PALM2AKAP2: variants seen among roughly 807,000 people sequenced by gnomAD.
The protein encoded by PALM2AKAP2 is PALM2 and AKAP2 fusion, also known as PALM2-AKAP2 fusion protein.
A neutral mutation model predicts 71.5 loss-of-function variants in PALM2AKAP2; 37 were observed. The ratio of observed to expected loss-of-function variants is 0.52; its 90% CI spans 0.40 to 0.68. The LOEUF (loss-of-function observed/expected upper bound fraction) is 0.68. PALM2AKAP2 is among the 30% of genes least tolerant of loss of function. PALM2AKAP2 has a pLI of 0.00. For synonymous variants in PALM2AKAP2, 468 were observed against 478.8 expected (o/e 0.98, Z 0.29); for missense variants, 1,224 against 1,191.8 (o/e 1.03, Z -0.40).
chr9:109,721,639 T>C (rs912047411), intron 1 of PALM2AKAP2, among the ~76,000 whole-genome samples: 2 of 152,184 alleles, frequency 1.3e-5, no homozygotes, highest in Non-Finnish European at 2.9e-5. Context: ...TCAATATCTA[T>C]CCAAGGATGT....
chr9:109,955,919 C>T (rs1284289915), intron 6 of PALM2AKAP2, among the ~76,000 whole-genome samples: 3 of 151,376 alleles, frequency 2.0e-5, no homozygotes, highest in Non-Finnish European at 4.4e-5. Context: ...CTTGGCAACA[C>T]AGCAAGACTC....
chr9:109,906,745 A>G (rs573244082), intron 3 of PALM2AKAP2, among the ~76,000 whole-genome samples: 2 of 152,308 alleles, frequency 1.3e-5, no homozygotes, highest in African/African-American at 4.8e-5. Context: ...CGTTCTTTTC[A>G]CATCTGTCCA....
intron 3 of PALM2AKAP2, among the ~76,000 whole-genome samples, chr9:109,917,264 A>G (rs1230904486): frequency 6.6e-6 from 1 of 152,196 alleles, no homozygotes; most frequent in Non-Finnish European, 1.5e-5. Context: ...GCAGAAGGGA[A>G]CACAACGCTG....
intron 1 of PALM2AKAP2, among the ~76,000 whole-genome samples, chr9:109,658,927 C>A (rs559282966): frequency 3.3e-5 from 5 of 152,166 alleles, no homozygotes; most frequent in African/African-American, 1.2e-4. Flanking sequence ...CTTGCAGGAC[C>A]TTTATGTGAA....
intron 1 of PALM2AKAP2, among the ~76,000 whole-genome samples, chr9:109,657,642 G>T (rs970275809): frequency 6.6e-6 from 1 of 152,172 alleles, no homozygotes; most frequent in Non-Finnish European, 1.5e-5. Context: ...CAGGTTGATT[G>T]CCTTGAGGGA....
At chr9:109,818,757 A>T (rs1359409702) in intron 1 of PALM2AKAP2, among the ~76,000 whole-genome samples, 1 of 152,130 alleles carries the variant, frequency 6.6e-6, no homozygotes, top group Non-Finnish European at 1.5e-5. Context: ...ACTTTATTTC[A>T]CTGTACTTTC....
chr9:109,739,220 T>G (rs1828681898), intron 1 of PALM2AKAP2, among the ~76,000 whole-genome samples: 1 of 152,186 alleles, frequency 6.6e-6, no homozygotes, highest in Non-Finnish European at 1.5e-5. Flanking sequence ...TTCAAGTAGT[T>G]CATTGACTTA....
At chr9:109,892,181 C>A (rs1327929409) in intron 3 of PALM2AKAP2, among the ~76,000 whole-genome samples, 1 of 152,156 alleles carries the variant, frequency 6.6e-6, no homozygotes, top group East Asian at 1.9e-4. Flanking sequence ...CTGTGCTTTC[C>A]CCAGAGCATC....
intron 6 of PALM2AKAP2, among the ~76,000 whole-genome samples, chr9:109,958,542 G>A (rs1366727578): frequency 4.6e-5 from 7 of 151,768 alleles, no homozygotes; most frequent in Admixed American, 2.6e-4. Context: ...GCCAACCTCA[G>A]GAGTATTTTT....
chr9:109,749,146 A>G (rs3902539), intron 1 of PALM2AKAP2, among the ~76,000 whole-genome samples: 129,846 of 152,176 alleles, frequency 0.85, 55,820 homozygotes, highest in African/African-American at 0.96. Flanking sequence ...GAGGCGATAG[A>G]AGCGGCTCTT....
intron 2 of PALM2AKAP2, among the ~76,000 whole-genome samples, chr9:110,155,952 G>C (rs1205909503): frequency 2.6e-5 from 4 of 152,116 alleles, no homozygotes; most frequent in African/African-American, 9.7e-5. Flanking sequence ...TTAAGAAGTG[G>C]GTCTGTGAGT....
intron 1 of PALM2AKAP2, among the ~76,000 whole-genome samples, chr9:109,701,500 T>TTA (rs757191693): frequency 0.045 from 6,787 of 152,290 alleles, 194 homozygotes; most frequent in Non-Finnish European, 0.053. Context: ...GGGAAAGGAT[T>TTA]ACCTATTTAA....
chr9:110,009,713 CA>C (rs535271745), intron 6 of PALM2AKAP2, among the ~76,000 whole-genome samples: 3,410 of 71,882 alleles, frequency 0.047, 53 homozygotes, highest in South Asian at 0.16. Flanking sequence ...GACTCTGTCT[CA>C]AAAAAAAAAA....
intron 1 of PALM2AKAP2, among the ~76,000 whole-genome samples, chr9:110,095,665 G>A (rs7863709): frequency 6.6e-6 from 1 of 151,940 alleles, no homozygotes; most frequent in Non-Finnish European, 1.5e-5. Context: ...GAAGAAGACC[G>A]TTCTAAGCAG....
chr9:109,694,071 T>G (rs1363958397), intron 1 of PALM2AKAP2, among the ~76,000 whole-genome samples: 1 of 152,010 alleles, frequency 6.6e-6, no homozygotes, highest in East Asian at 1.9e-4. Context: ...GTATACTCTG[T>G]GAGGGCAGGA....
chr9:110,131,027 G>A (rs894885118), intron 1 of PALM2AKAP2, among the ~76,000 whole-genome samples: 7 of 152,160 alleles, frequency 4.6e-5, no homozygotes, highest in Non-Finnish European at 1.0e-4. Flanking sequence ...GCCACCTGTG[G>A]GGCGTGGGAT....
At chr9:110,119,592 G>A (rs1006956543) in intron 1 of PALM2AKAP2, among the ~76,000 whole-genome samples, 1 of 152,100 alleles carries the variant, frequency 6.6e-6, no homozygotes, top group African/African-American at 2.4e-5. Context: ...TTGGATGAGG[G>A]TACCTCTCTC....
intron 6 of PALM2AKAP2, among the ~76,000 whole-genome samples, chr9:109,948,897 G>A (rs141876340): frequency 2.3e-4 from 35 of 152,142 alleles, no homozygotes; most frequent in African/African-American, 8.2e-4. Context: ...AAATAGTACT[G>A]ATGTGCCATT....
intron 1 of PALM2AKAP2, among the ~76,000 whole-genome samples, chr9:110,064,515 G>A (rs183323726): frequency 1.1e-4 from 16 of 152,318 alleles, no homozygotes; most frequent in East Asian, 9.7e-4. Context: ...GCTGAGATGC[G>A]AAGATTGCTT....
Sources: gnomAD v4.1 joint callset for allele counts (sites outside exome capture counted in the v4.1 genomes callset) on GRCh38, gnomAD v4.1.1 for gene constraint, MANE v1.5 for transcripts, NCBI Gene and HGNC (gene_info 2026-07-23, HGNC 2026-07-21) for gene names.